The following FNBP4 variants were observed in gnomAD, a reference collection of about 807,000 sequenced individuals.
The protein encoded by FNBP4 is formin binding protein 4.
A neutral mutation model predicts 119.3 loss-of-function variants in FNBP4; 34 were observed. The observed-to-expected ratio is 0.28, with a 90% CI of 0.22 to 0.38. The LOEUF (loss-of-function observed/expected upper bound fraction) is 0.38, where lower values mean the gene tolerates loss of function less well. FNBP4 is among the 10% of genes least tolerant of loss of function. The pLI, the probability that FNBP4 is intolerant of heterozygous loss-of-function variation, is 1.00. For missense variants in FNBP4, 1,112 were observed against 1,228.9 expected (o/e 0.90, Z 1.42); for synonymous variants, 462 against 430.6 (o/e 1.07, Z -0.90).
At chr11:47,727,399 A>G (rs1316304127) in intron 12 of FNBP4, among the ~76,000 whole-genome samples, 1 of 151,570 alleles carries the variant, frequency 6.6e-6, no homozygotes, top group Non-Finnish European at 1.5e-5. Context: ...ACAGGCCCAC[A>G]CCACCACATC....
At chr11:47,755,805 AC>A (rs1181024699) in intron 2 of FNBP4, among the ~76,000 whole-genome samples, 112 of 152,098 alleles carry the variant, frequency 7.4e-4, no homozygotes, top group African/African-American at 2.7e-3. Flanking sequence ...CAAAAAAAAA[AC>A]AAAAACAAAA....
At chr11:47,734,576 G>A (rs2097571382) in intron 9 of FNBP4, among the ~76,000 whole-genome samples, 1 of 152,106 alleles carries the variant, frequency 6.6e-6, no homozygotes. Context: ...TCCCAATATT[G>A]AAAAGCTAAA....
intron 6 of FNBP4, 38 bp downstream of exon 6, chr11:47,750,878 T>C: frequency 1.9e-6 from 3 of 1,609,522 alleles, no homozygotes; most frequent in Non-Finnish European, 1.7e-6. Flanking sequence ...GCTTATTAGA[T>C]CTGAAAATAA....
chr11:47,753,383 G>A (rs1356941049), intron 3 of FNBP4, among the ~76,000 whole-genome samples: 1 of 152,144 alleles, frequency 6.6e-6, no homozygotes, highest in African/African-American at 2.4e-5. Context: ...GGCCAAGGCG[G>A]GCGGATCACC....
chr11:47,758,925 T>C lies in FNBP4; in HGVS notation c.314-4261A>G, dbSNP rs1183174443. ...TTTCTTAGATAGTGTCTCTAATTTTTTTTTTTTTTTTGAGATAGAGTCTCA... is the reference window on the plus strand; with the variant it reads ...TTTCTTAGATAGTGTCTCTAATTTTCTTTTTTTTTTTGAGATAGAGTCTCA... On this transcript the variant is annotated intron_variant, in intron 2 of 16. Transcript: ENST00000263773. Among the ~76,000 whole-genome samples the C allele has an allele frequency of 4.0e-5, 6 of 150,980 alleles. No homozygotes were observed. In the South Asian group the frequency reaches 6.2e-4, roughly 16 times the overall value.
chr11:47,748,707 T>A (rs974269608), intron 6 of FNBP4, among the ~76,000 whole-genome samples: 5 of 152,070 alleles, frequency 3.3e-5, no homozygotes, highest in African/African-American at 1.2e-4. Context: ...TGGAGTGCAG[T>A]GGTGCGGTCT....
chr11:47,750,827 A>G, intron 6 of FNBP4, 89 bp downstream of exon 6: 2 of 1,381,182 alleles, frequency 1.4e-6, no homozygotes, highest in South Asian at 1.3e-5. Context: ...GTATGACATA[A>G]AATATTAAGA....
intron 6 of FNBP4, among the ~76,000 whole-genome samples, chr11:47,747,419 G>A (rs974596082): frequency 6.6e-6 from 1 of 152,034 alleles, no homozygotes; most frequent in Admixed American, 6.6e-5. Flanking sequence ...CGTTGGCCAG[G>A]CTGGTCTCGA....
At chr11:47,759,240 T>G (rs1307849536) in intron 2 of FNBP4, among the ~76,000 whole-genome samples, 2 of 139,232 alleles carry the variant, frequency 1.4e-5, no homozygotes, top group African/African-American at 2.7e-5. Flanking sequence ...GTATGGAGTT[T>G]CGCTCTTCTT....
chr11:47,718,949 A>G (rs1053129379), intron 16 of FNBP4, among the ~76,000 whole-genome samples: 2 of 132,036 alleles, frequency 1.5e-5, no homozygotes, highest in Admixed American at 8.9e-5. Flanking sequence ...TCTGTCGTCC[A>G]GGCTGGAGTG....
chr11:47,744,061 T>G lies in FNBP4; in HGVS notation c.1348A>C (p.Met450Leu). 6.2e-7 allele frequency: 1 copy of G among 1,614,146 alleles called. No homozygotes were observed. The highest frequency in any genetic ancestry group is 1.1e-5 in the South Asian group (1 of 91,084). The part of the protein sequence containing the change: ...PASQDGMRRL[M>L]SKRGKWKMFV... ...ATCTTCCATTTTCCTCTTTTAGACA[T>G]AAGCCTACGCATTCCATCTTGAGAT... Residue 450 changes from methionine (M) to leucine (L), a missense_variant, in exon 8 of 17, where the codon ATG becomes CTG. Around this residue, in one of 2 missense-constraint regions of FNBP4, gnomAD observed 826 missense variants for 988.8 expected, o/e 0.84. Transcript: ENST00000263773.
At chr11:47,725,693 G>T (rs1715731603) in intron 12 of FNBP4, 2 of 745,452 alleles carry the variant, frequency 2.7e-6, no homozygotes, top group Non-Finnish European at 3.3e-6. Flanking sequence ...TCTTTTCTCT[G>T]CTGGGAAAAC....
At position 47,751,236 on chromosome 11, in the gene FNBP4, T is replaced by C. The variant is rs2097602936; in HGVS notation, c.692A>G (p.Tyr231Cys). 7 of 1,614,042 alleles carry C rather than the reference T, an allele frequency of 4.3e-6. No homozygotes were observed. Among genetic ancestry groups the C allele is most frequent in the Admixed American group, 1.7e-5 (1 of 59,990 alleles). ...QEVWDENTGCYYYWNTQTNEV... is the reference protein window; with the variant it reads ...QEVWDENTGCCYYWNTQTNEV... ...ATTTGTTTGTGTATTCCAATAATAA[T>C]AACATCCCGTGTTCTCATCCCAGAC... is the stretch of plus-strand genomic sequence containing the variant. Residue 231 changes from tyrosine to cysteine, a missense_variant, in exon 5 of 17, where the codon TAT becomes TGT. Around this residue, in one of 2 missense-constraint regions of FNBP4, gnomAD observed 826 missense variants for 988.8 expected, o/e 0.84. Coordinates refer to ENST00000263773, the MANE Select transcript of FNBP4 (RefSeq NM_015308.5).
At chr11:47,723,713 G>A (rs1030461404) in intron 14 of FNBP4, among the ~76,000 whole-genome samples, 2 of 152,016 alleles carry the variant, frequency 1.3e-5, no homozygotes, top group Non-Finnish European at 2.9e-5. Flanking sequence ...TACAGGTGCA[G>A]ACTACCATGC....
rs1214401074 is a variant in FNBP4, at chr11:47,765,176, T to TA, written c.313+93dup. 3 of 774,860 alleles carry TA rather than the reference T, an allele frequency of 3.9e-6. No individual in the cohort carries two copies. In the African/African-American group the frequency reaches 5.3e-5, roughly 14 times the overall value. 48.0% of individuals were successfully genotyped at this position (774,860 alleles called of 1,614,324 possible). ...TTGGGAGAAATAATGTTAGCAACAC[T>TA]AAAGCATTCAGCAAAACATTCTATG... On this transcript the variant is annotated intron_variant, in intron 2 of 16. Coordinates refer to ENST00000263773, the MANE Select transcript of FNBP4 (RefSeq NM_015308.5).
rs371730936 is a variant in FNBP4, at chr11:47,744,008, A to T, written c.1401T>A (p.Ser467=). ...CAGTTTTACTAGAACTCCTACTGGT[A>T]GATTCTGGACTGGTAGCTCGAACAA... The part of the protein sequence containing the change: ...KMFVRATSPE[S]TSRSSSKTGR... Residue 467 remains serine, a synonymous_variant, in exon 8 of 17, where the codon TCT becomes TCA. Transcript: ENST00000263773. 5.0e-6 allele frequency: 8 copies of T among 1,614,210 alleles called. No individual in the cohort carries two copies. The highest frequency in any genetic ancestry group is 6.8e-6 in the Non-Finnish European group (8 of 1,180,042).
chr11:47,718,211 A>C (rs1287592152), intron 16 of FNBP4, among the ~76,000 whole-genome samples: 6 of 150,388 alleles, frequency 4.0e-5, no homozygotes, highest in African/African-American at 1.5e-4. Context: ...CCTGGGATCT[A>C]ATGTTTTTTT....
At chr11:47,739,785 TTTTTC>T (rs1178949345) in intron 8 of FNBP4, among the ~76,000 whole-genome samples, 1 of 152,086 alleles carries the variant, frequency 6.6e-6, no homozygotes, top group Non-Finnish European at 1.5e-5. Flanking sequence ...ATCTGTCTCC[TTTTTC>T]TTTTGAGATG....
intron 7 of FNBP4, 113 bp downstream of exon 7, chr11:47,745,943 G>A: frequency 1.1e-6 from 1 of 917,946 alleles, no homozygotes; most frequent in Non-Finnish European, 1.6e-6. Flanking sequence ...AACATACCTA[G>A]ATGATGGGAT....
Sources: gnomAD v4.1 joint callset for allele counts (sites outside exome capture counted in the v4.1 genomes callset) on GRCh38, gnomAD v4.1.1 for gene constraint, gnomAD v4.1.1 regional missense constraint, MANE v1.5 for transcripts, NCBI Gene and HGNC (gene_info 2026-07-23, HGNC 2026-07-21) for gene names.